Variants in SLIT1 observed in about 807,000 individuals in gnomAD.
SLIT1 encodes the protein slit guidance ligand 1, also known as slit homolog 1 protein.
A neutral mutation model predicts 186.1 loss-of-function variants in SLIT1; 66 were observed. That is an observed-to-expected ratio of 0.35 (90% CI 0.29 to 0.44). The LOEUF (loss-of-function observed/expected upper bound fraction) is 0.44. Ranked by LOEUF, SLIT1 falls within the 20% of genes least tolerant of loss-of-function variation. SLIT1 has a pLI of 1.00. For synonymous variants in SLIT1, 761 were observed against 833.8 expected, an observed-to-expected ratio of 0.91 and a Z score of 1.50; for missense variants, 1,638 against 2,037.4, an observed-to-expected ratio of 0.80 and a Z score of 3.77.
intron 4 of SLIT1, among the ~76,000 whole-genome samples, chr10:97,078,279 G>A (rs1849065604): frequency 6.6e-6 from 1 of 152,020 alleles, no homozygotes; most frequent in South Asian, 2.1e-4. Context: ...CCCAACATGT[G>A]CCAGGTCCCA....
At chr10:97,146,729 C>T (rs1010999092) in intron 4 of SLIT1, among the ~76,000 whole-genome samples, 3 of 152,200 alleles carry the variant, frequency 2.0e-5, no homozygotes, top group Non-Finnish European at 2.9e-5. Flanking sequence ...GAAGCTGGAG[C>T]CCAGCACAGA....
rs1371914709 is a variant in SLIT1, at chr10:97,185,797, G to C, written c.-123C>G. 5.7e-6 allele frequency: 5 copies of C among 882,242 alleles called. No homozygotes were observed. Among genetic ancestry groups the C allele is most frequent in the Non-Finnish European group, 7.9e-6 (5 of 631,608 alleles). 54.7% of individuals were successfully genotyped at this position (882,242 alleles called of 1,614,324 possible). On this transcript the variant is annotated 5_prime_UTR_variant, in exon 1 of 37. Transcript: ENST00000266058. Reference sequence around the variant, plus strand: ...CCGAAGAGCCCGCGGGCTTGCGCGCGGCGCCCCTGCGGGCTGGGAGGCACC... The same window carrying C: ...CCGAAGAGCCCGCGGGCTTGCGCGCCGCGCCCCTGCGGGCTGGGAGGCACC...
At chr10:97,063,708 C>G (rs1213843184) in intron 7 of SLIT1, 90 bp from the exon 8 acceptor site, 2 of 1,390,534 alleles carry the variant, frequency 1.4e-6, no homozygotes, top group Non-Finnish European at 9.7e-7. Flanking sequence ...GAGGCTGCCC[C>G]CGGTGCTGTG....
In SLIT1 at chr10:97,021,269, G is replaced by T. The variant is rs746516359; in HGVS notation, c.2727C>A (p.Ala909=). Residue 909 remains alanine (A), a synonymous_variant, in exon 26 of 37, where the codon GCC becomes GCA. Coordinates refer to ENST00000266058, the MANE Select transcript of SLIT1 (RefSeq NM_003061.3). This position sits in a 1 kb window ranked among gnomAD's most constrained non-coding sequence, Gnocchi z 4.5. The stretch of plus-strand genomic sequence containing the variant: ...GCTCACCTTGGCATTCAAACTTCTT[G>T]GCAGGCGTGGTGAGGAGCAGCTTGC... The part of the protein sequence containing the change: ...MEGKLLLTTP[A]KKFECQGPPT... The T allele has an allele frequency of 6.2e-7, 1 of 1,614,092 alleles. No homozygotes were observed. The highest frequency in any genetic ancestry group is 1.1e-5 in the South Asian group (1 of 91,076).
intron 4 of SLIT1, among the ~76,000 whole-genome samples, chr10:97,074,762 C>T (rs1354753407): frequency 6.6e-6 from 1 of 152,262 alleles, no homozygotes; most frequent in African/African-American, 2.4e-5. Context: ...GGCCCACACC[C>T]TGACTTGGCA....
chr10:97,004,430 G>A lies in SLIT1; in HGVS notation c.3711-208C>T, dbSNP rs540237818. On this transcript the variant is annotated intron_variant, in intron 33 of 36. Coordinates refer to ENST00000266058, the MANE Select transcript of SLIT1 (RefSeq NM_003061.3). This position sits in a 1 kb window ranked among gnomAD's most constrained non-coding sequence, Gnocchi z 5.1. ...GGGAAGGCTGAGAGGTTTGAGGCAG[G>A]GGTCTCAAACTTACAAGTCTCCCCC... Among the ~76,000 whole-genome samples the A allele has an allele frequency of 6.6e-6, 1 of 152,276 alleles. No individual in the cohort carries two copies. Among genetic ancestry groups the A allele is most frequent in the African/African-American group, 2.4e-5 (1 of 41,538 alleles).
At chr10:97,078,787 G>A (rs944499752) in intron 4 of SLIT1, among the ~76,000 whole-genome samples, 7 of 152,260 alleles carry the variant, frequency 4.6e-5, no homozygotes, top group African/African-American at 1.7e-4. Context: ...GAACACCAGG[G>A]CGAGGCCTCC....
intron 4 of SLIT1, among the ~76,000 whole-genome samples, chr10:97,081,611 G>A (rs1406838789): frequency 2.0e-5 from 3 of 152,184 alleles, no homozygotes; most frequent in Non-Finnish European, 4.4e-5. Context: ...GCTTCCCCAG[G>A]ATATCTGCAG....
intron 1 of SLIT1, among the ~76,000 whole-genome samples, chr10:97,171,236 G>A (rs1417074176): frequency 6.6e-6 from 1 of 152,226 alleles, no homozygotes; most frequent in South Asian, 2.1e-4. Flanking sequence ...CCCAGCCACT[G>A]CGCAGACAGC....
intron 4 of SLIT1, among the ~76,000 whole-genome samples, chr10:97,119,297 C>G (rs1217328539): frequency 2.0e-5 from 3 of 152,194 alleles, no homozygotes; most frequent in Non-Finnish European, 2.9e-5. Flanking sequence ...TTCCCCGATC[C>G]TCCCAGGTGG....
At chr10:97,012,665 A>G (rs2861826) in intron 30 of SLIT1, among the ~76,000 whole-genome samples, 152,342 of 152,356 alleles carry the variant, frequency 1, 76,164 homozygotes, top group Middle Eastern at 1. Flanking sequence ...GGGAGCCCCC[A>G]CAGGAGTACA....
intron 1 of SLIT1, 29 bp from the exon 2 acceptor site, chr10:97,164,919 T>G (rs1850083651): frequency 6.3e-7 from 1 of 1,575,952 alleles, no homozygotes; most frequent in Admixed American, 1.7e-5. Flanking sequence ...AAGGAAGCAG[T>G]GGGGTGAGCA....
At chr10:97,177,204 C>T (rs1226925517) in intron 1 of SLIT1, among the ~76,000 whole-genome samples, 1 of 152,200 alleles carries the variant, frequency 6.6e-6, no homozygotes, top group Non-Finnish European at 1.5e-5. Context: ...CCTGAATACT[C>T]TCCAGAGTAA....
rs747980103 is a variant in SLIT1 at position 97,019,029 on chromosome 10, T to C, written c.2825A>G (p.Asn942Ser). ...SPCQNQGTCHNDPLEVYRCAC... is the reference protein window; with the variant it reads ...SPCQNQGTCHSDPLEVYRCAC... ...GCACCTGTACACCTCAAGGGGGTCG[T>C]TGTGGCAGGTGCCCTGGTTCTGGCA... The change falls in exon 27 of 37, where the codon AAC (asparagine) becomes AGC (serine). Residue 942 changes from asparagine to serine, a missense_variant. Around this residue, in one of 3 missense-constraint regions of SLIT1, gnomAD observed 1,245 missense variants for 1,535.3 expected, o/e 0.81. Coordinates refer to ENST00000266058, the MANE Select transcript of SLIT1 (RefSeq NM_003061.3). The C allele has an allele frequency of 6.2e-7, 1 of 1,613,820 alleles. No homozygotes were observed. Among genetic ancestry groups the C allele is most frequent in the Non-Finnish European group, 8.5e-7 (1 of 1,179,908 alleles).
intron 4 of SLIT1, among the ~76,000 whole-genome samples, chr10:97,090,375 A>G (rs977235247): frequency 1.3e-5 from 2 of 151,802 alleles, no homozygotes; most frequent in African/African-American, 4.8e-5. Context: ...CAGCAGGCAC[A>G]AAGGCCGTGA....
At chr10:97,039,609 G>T (rs1848672642) in intron 21 of SLIT1, among the ~76,000 whole-genome samples, 1 of 152,202 alleles carries the variant, frequency 6.6e-6, no homozygotes, top group Non-Finnish European at 1.5e-5. Context: ...TGTTATCTGG[G>T]TCATAGTAGA....
chr10:97,146,970 G>C (rs935561957), intron 4 of SLIT1, among the ~76,000 whole-genome samples: 1 of 152,188 alleles, frequency 6.6e-6, no homozygotes, highest in African/African-American at 2.4e-5. Flanking sequence ...CATTGTGGGG[G>C]CTCTGACAGA....
Position 97,049,018 on chromosome 10 carries a change from T to C in SLIT1, c.1402A>G (p.Ser468Gly). The C allele has an allele frequency of 6.2e-7, 1 of 1,611,780 alleles. No individual in the cohort carries two copies. The highest frequency in any genetic ancestry group is 8.5e-7 in the Non-Finnish European group (1 of 1,179,522). Reference protein sequence around the residue: ...PIETSGARCASPRRLANKRIG... With the variant: ...PIETSGARCAGPRRLANKRIG... The stretch of plus-strand genomic sequence containing the variant: ...CGCTTGTTGGCGAGGCGCCGGGGAC[T>C]GGCACAGCGGGCACCACTCGTCTCG... The change falls in exon 14 of 37, where the codon AGT (serine) becomes GGT (glycine). Residue 468 changes from serine to glycine, a missense_variant. By Grantham distance (56) the Ser-to-Gly change is moderately conservative (BLOSUM62 0). Transcript: ENST00000266058.
chr10:97,142,212 T>C (rs1167334774), intron 4 of SLIT1, among the ~76,000 whole-genome samples: 1 of 151,900 alleles, frequency 6.6e-6, no homozygotes, highest in Non-Finnish European at 1.5e-5. Context: ...GGAAGACTCA[T>C]ACCTCCCGAT....
Sources: allele counts gnomAD v4.1 joint callset (sites outside exome capture counted in the v4.1 genomes callset), GRCh38; gene constraint gnomAD v4.1.1; regional missense constraint gnomAD v4.1.1; non-coding constraint Gnocchi (gnomAD v3.1); transcripts MANE v1.5; gene names NCBI Gene and HGNC (gene_info 2026-07-23, HGNC 2026-07-21).